CELF2: variants seen among roughly 807,000 people sequenced by gnomAD.
CELF2 encodes CUGBP Elav-like family member 2, also known as CUG triplet repeat RNA-binding protein 2.
CELF2 carries 8 observed loss-of-function variants against 62.6 expected under a neutral mutation model. That is an observed-to-expected ratio of 0.13 (90% confidence interval 0.07 to 0.23). The LOEUF (loss-of-function observed/expected upper bound fraction) is 0.23. Ranked by LOEUF, CELF2 falls within the 10% of genes least tolerant of loss-of-function variation. The pLI, the probability that CELF2 is intolerant of heterozygous loss-of-function variation, is 1.00. For missense variants in CELF2, 333 were observed against 671.0 expected (o/e 0.50, Z 5.56); for synonymous variants, 258 against 250.0 (o/e 1.03, Z -0.30).
chr10:10,628,530 G>T, the CELF2 span, among the ~76,000 whole-genome samples: 1 of 152,176 alleles, frequency 6.6e-6, no homozygotes, highest in Non-Finnish European at 1.5e-5. Context: ...CTTATCTGCT[G>T]TCACGGGGTC....
At chr10:11,281,604 T>G (rs897092196) in intron 8 of CELF2, among the ~76,000 whole-genome samples, 4 of 152,118 alleles carry the variant, frequency 2.6e-5, no homozygotes, top group African/African-American at 9.7e-5. Flanking sequence ...CCTACAAAAG[T>G]TAGCTGGGTG....
intron 1 of CELF2, among the ~76,000 whole-genome samples, chr10:10,884,010 C>G (rs1400202832): frequency 6.6e-6 from 1 of 151,966 alleles, no homozygotes; most frequent in Non-Finnish European, 1.5e-5. Flanking sequence ...TCCCCTCCCT[C>G]CTGCTCTTCC....
chr10:10,527,318 G>A, the CELF2 span, among the ~76,000 whole-genome samples: 9 of 152,132 alleles, frequency 5.9e-5, no homozygotes, highest in South Asian at 4.2e-4. Context: ...GGTGGCATGC[G>A]CCTGTAGTCC....
At chr10:11,248,630 T>C (rs2137271267) in intron 3 of CELF2, among the ~76,000 whole-genome samples, 1 of 152,340 alleles carries the variant, frequency 6.6e-6, no homozygotes, top group Admixed American at 6.5e-5. Flanking sequence ...ATGATTTAAT[T>C]TTATAATAAT....
chr10:10,490,097 AATC>A, the CELF2 span, among the ~76,000 whole-genome samples: 1 of 152,124 alleles, frequency 6.6e-6, no homozygotes, highest in East Asian at 1.9e-4. Context: ...TGGGGGAAAA[AATC>A]ACTCCTATCA....
At chr10:10,869,597 G>C (rs2060607297) in intron 1 of CELF2, among the ~76,000 whole-genome samples, 1 of 151,980 alleles carries the variant, frequency 6.6e-6, no homozygotes, top group Non-Finnish European at 1.5e-5. Context: ...CAAATGTCCT[G>C]CATATATATT....
At chr10:11,150,235 T>C (rs1366798283) in intron 1 of CELF2, among the ~76,000 whole-genome samples, 1 of 152,196 alleles carries the variant, frequency 6.6e-6, no homozygotes, top group Non-Finnish European at 1.5e-5. Flanking sequence ...AATGTAGAGC[T>C]GAAGGCAAGA....
the CELF2 span, among the ~76,000 whole-genome samples, chr10:10,728,116 A>T: frequency 1.4e-5 from 2 of 147,410 alleles, no homozygotes; most frequent in Non-Finnish European, 3.0e-5. Context: ...AATGAGAATG[A>T]TTTTTTTTTT....
chr10:11,165,811 G>A lies in CELF2; in HGVS notation c.271+129G>A, dbSNP rs2066929256. 3.5e-6 allele frequency: 3 copies of A among 865,928 alleles called. No homozygotes were observed. Among genetic ancestry groups the A allele is most frequent in the Non-Finnish European group, 5.2e-6 (3 of 581,852 alleles). 53.6% of individuals were successfully genotyped at this position (865,928 alleles called of 1,614,324 possible). On this transcript the variant is annotated intron_variant, in intron 2 of 12. Coordinates refer to ENST00000633077, the MANE Select transcript of CELF2 (RefSeq NM_001326342.2). This position sits in a 1 kb window ranked among gnomAD's most constrained non-coding sequence, Gnocchi z 7.4. Reference sequence around the variant, plus strand: ...AGGGCTGGAAGCAGCCGGTGCTGGCGGCCCCTGTGCTCCAGGGGCTGCTCC... The same window carrying A: ...AGGGCTGGAAGCAGCCGGTGCTGGCAGCCCCTGTGCTCCAGGGGCTGCTCC...
chr10:10,751,611 G>A, the CELF2 span, among the ~76,000 whole-genome samples: 1 of 152,198 alleles, frequency 6.6e-6, no homozygotes, highest in East Asian at 1.9e-4. Flanking sequence ...TCTCAATATT[G>A]ACCAGTGATG....
At position 10,798,868 on chromosome 10, in the gene CELF2, G is replaced by A. The variant is rs1373781332; in HGVS notation, c.53+51G>A. On this transcript the variant is annotated intron_variant, in intron 1 of 13. Coordinates refer to the CELF2 transcript ENST00000636488. The stretch of plus-strand genomic sequence containing the variant: ...ATCCTGGTTTGAGTTCATAGCCAAG[G>A]CCCTGCTCCCGCCCCACACCTGTGC... 3.3e-5 allele frequency: 13 copies of A among 398,986 alleles called. No homozygotes were observed. In the East Asian group the frequency reaches 3.6e-4, roughly 11 times the overall value. 24.7% of individuals were successfully genotyped at this position (398,986 alleles called of 1,614,324 possible).
At chr10:10,512,291 G>A in the CELF2 span, among the ~76,000 whole-genome samples, 4 of 151,620 alleles carry the variant, frequency 2.6e-5, no homozygotes, top group African/African-American at 9.7e-5. Context: ...GGCACCACAT[G>A]TCAACAGTAC....
At chr10:11,226,691 G>C (rs2066740087) in intron 3 of CELF2, among the ~76,000 whole-genome samples, 1 of 151,936 alleles carries the variant, frequency 6.6e-6, no homozygotes, top group African/African-American at 2.4e-5. Flanking sequence ...GGCAGCGGCT[G>C]TGCCCAAGGT....
intron 2 of CELF2, among the ~76,000 whole-genome samples, chr10:10,927,950 A>G (rs1241624568): frequency 6.6e-6 from 1 of 152,110 alleles, no homozygotes; most frequent in African/African-American, 2.4e-5. Context: ...AATAAAATCA[A>G]TGCAATGCAC....
chr10:10,619,596 G>A, the CELF2 span, among the ~76,000 whole-genome samples: 4 of 152,146 alleles, frequency 2.6e-5, no homozygotes, highest in African/African-American at 9.7e-5. Context: ...GTTCCCTATG[G>A]TCTTACCCAC....
intron 8 of CELF2, among the ~76,000 whole-genome samples, chr10:11,284,946 A>G (rs2090686248): frequency 6.7e-6 from 1 of 148,948 alleles, no homozygotes; most frequent in South Asian, 2.2e-4. Flanking sequence ...GGGTGGGAGC[A>G]TCTATTCCAC....
In CELF2 at chr10:11,165,321, C is replaced by T. The variant is rs1425537103; in HGVS notation, c.75-165C>T. 2 of 1,417,472 alleles carry T rather than the reference C, an allele frequency of 1.4e-6. No homozygotes were observed. The highest frequency in any genetic ancestry group is 1.8e-6 in the Non-Finnish European group (2 of 1,089,806). The allele number at this position is 1,417,472 out of a possible 1,614,324, so 87.8% of individuals were successfully genotyped here. On this transcript the variant is annotated intron_variant, in intron 1 of 12. Transcript: ENST00000633077. This position sits in a 1 kb window ranked among gnomAD's most constrained non-coding sequence, Gnocchi z 7.4. ...CGCCGCCGAGGAGCAACTCATGGTG[C>T]CTCCGCTTTGTTTTAGTTCATCAAA...
At chr10:10,610,830 A>AG in the CELF2 span, among the ~76,000 whole-genome samples, 8 of 152,202 alleles carry the variant, frequency 5.3e-5, no homozygotes, top group Non-Finnish European at 1.0e-4. Context: ...TATAGTGATT[A>AG]GGGGGAGAAA....
intron 1 of CELF2, among the ~76,000 whole-genome samples, chr10:10,819,093 C>A (rs2056743758): frequency 6.6e-6 from 1 of 152,168 alleles, no homozygotes; most frequent in Non-Finnish European, 1.5e-5. Context: ...TGGGTAAATT[C>A]TTGACCTCCC....
Sources: allele counts gnomAD v4.1 joint callset (sites outside exome capture counted in the v4.1 genomes callset), GRCh38; gene constraint gnomAD v4.1.1; non-coding constraint Gnocchi (gnomAD v3.1); transcripts MANE v1.5; gene names NCBI Gene and HGNC (gene_info 2026-07-23, HGNC 2026-07-21).